Variants in SPATA13 observed in about 807,000 individuals in gnomAD.
The protein encoded by SPATA13 is spermatogenesis associated 13.
A neutral mutation model predicts 104.0 loss-of-function variants in SPATA13; 50 were observed. The observed-to-expected ratio is 0.48, with a 90% CI of 0.38 to 0.61. The LOEUF (loss-of-function observed/expected upper bound fraction) is 0.61, where lower values mean the gene tolerates loss of function less well. Ranked by LOEUF, SPATA13 falls within the 20% of genes least tolerant of loss-of-function variation. SPATA13 has a pLI of 0.00. For missense variants in SPATA13, 1,524 were observed against 1,690.6 expected (o/e 0.90, Z 1.73); for synonymous variants, 606 against 667.5 (o/e 0.91, Z 1.42).
intron 1 of SPATA13, among the ~76,000 whole-genome samples, chr13:24,199,039 C>T (rs1870251849): frequency 6.6e-6 from 1 of 150,686 alleles, no homozygotes; most frequent in Admixed American, 6.6e-5. Context: ...CAGGCACACA[C>T]CACCACTCTC....
chr13:24,163,156 G>T (rs1882578467), intron 1 of SPATA13, among the ~76,000 whole-genome samples: 1 of 152,160 alleles, frequency 6.6e-6, no homozygotes, highest in Non-Finnish European at 1.5e-5. Flanking sequence ...CAGCACTTTG[G>T]GAGGCCGAGG....
chr13:24,063,135 G>C (rs1214671189), intron 3 of SPATA13, among the ~76,000 whole-genome samples: 1 of 151,870 alleles, frequency 6.6e-6, no homozygotes, highest in Non-Finnish European at 1.5e-5. Context: ...CCTTCTCCCA[G>C]TGCTCACCAT....
In SPATA13 at chr13:24,014,368, C is replaced by T. The variant is rs79008302; in HGVS notation, c.-146-3299C>T. Among the ~76,000 whole-genome samples the T allele has an allele frequency of 8.8e-3, 1,345 of 152,282 alleles. 25 individuals are homozygous for T. The highest frequency in any genetic ancestry group is 0.077 in the East Asian group (399 of 5,168). ...CTTCCCCCATGCAGAAATGGCCCCA[C>T]TGTTTCTGGGGCCTTTCAAAACCTG... is the stretch of plus-strand genomic sequence containing the variant. On this transcript the variant is annotated intron_variant, in intron 2 of 14. Coordinates refer to the SPATA13 transcript ENST00000424834.
chr13:24,272,329 C>T (rs957479441), intron 4 of SPATA13, among the ~76,000 whole-genome samples: 12 of 152,230 alleles, frequency 7.9e-5, no homozygotes, highest in African/African-American at 2.4e-4. Context: ...CTGCCCTCTG[C>T]GGCCTTGACC....
chr13:24,121,635 A>G (rs369869581), intron 3 of SPATA13, among the ~76,000 whole-genome samples: 3 of 152,190 alleles, frequency 2.0e-5, no homozygotes, highest in East Asian at 3.8e-4. Context: ...AAATTGGACA[A>G]ATGCTCATAG....
rs180866131 is a variant in SPATA13 at position 24,251,922 on chromosome 13, C to T, written c.2164+60C>T. On this transcript the variant is annotated intron_variant, in intron 4 of 12. Transcript: ENST00000382108. ...TATGGGCCCATCTGACCGTTTCCAG[C>T]TAACCTGAGGCAGCAGGTTCTGCAC... 197 of 1,554,306 alleles carry T rather than the reference C, an allele frequency of 1.3e-4. 1 individual carries two copies. The highest frequency in any genetic ancestry group is 4.0e-4 in the Admixed American group (21 of 52,926).
intron 3 of SPATA13, 97 bp downstream of exon 3, chr13:24,249,939 C>T: frequency 6.8e-7 from 1 of 1,479,976 alleles, no homozygotes. Flanking sequence ...TTTTTCTCTC[C>T]CGTTCTCAAG....
intron 1 of SPATA13, among the ~76,000 whole-genome samples, chr13:24,171,287 A>C (rs560521565): frequency 6.6e-6 from 1 of 152,096 alleles, no homozygotes; most frequent in Non-Finnish European, 1.5e-5. Context: ...TCATTTTTCA[A>C]GAGACGAAGG....
intron 1 of SPATA13, among the ~76,000 whole-genome samples, chr13:24,222,253 T>C (rs1176403175): frequency 6.6e-6 from 1 of 152,180 alleles, no homozygotes; most frequent in African/African-American, 2.4e-5. Context: ...TGTGTCTAGG[T>C]GGCCCTGTGA....
intron 2 of SPATA13, among the ~76,000 whole-genome samples, chr13:24,247,977 C>T (rs1193627392): frequency 6.6e-6 from 1 of 152,202 alleles, no homozygotes; most frequent in Admixed American, 6.5e-5. Context: ...CCCAGGGACT[C>T]CTGCAGTCAT....
chr13:24,177,412 T>G (rs936794723), intron 1 of SPATA13, among the ~76,000 whole-genome samples: 3 of 152,134 alleles, frequency 2.0e-5, no homozygotes, highest in African/African-American at 7.2e-5. Flanking sequence ...TGCTTTCTGG[T>G]TTATAAATGG....
At chr13:24,276,323 T>C (rs996293672) in intron 4 of SPATA13, among the ~76,000 whole-genome samples, 6 of 152,224 alleles carry the variant, frequency 3.9e-5, no homozygotes, top group Non-Finnish European at 8.8e-5. Flanking sequence ...TTATATAGTG[T>C]TTAAAAAGAA....
intron 4 of SPATA13, among the ~76,000 whole-genome samples, chr13:24,271,554 T>C (rs975954922): frequency 2.6e-5 from 4 of 152,234 alleles, no homozygotes; most frequent in African/African-American, 9.6e-5. Context: ...TTGGACTATT[T>C]GGACTATTTA....
intron 3 of SPATA13, among the ~76,000 whole-genome samples, chr13:24,134,186 A>G (rs887750207): frequency 2.6e-5 from 4 of 152,076 alleles, no homozygotes; most frequent in Non-Finnish European, 5.9e-5. Flanking sequence ...GGGCCAATGA[A>G]TTTCTCTCCC....
chr13:24,118,378 C>T (rs1880921501), intron 3 of SPATA13, among the ~76,000 whole-genome samples: 1 of 152,200 alleles, frequency 6.6e-6, no homozygotes, highest in Non-Finnish European at 1.5e-5. Flanking sequence ...ACTACTCTTA[C>T]TAGTTACTCC....
intron 3 of SPATA13, among the ~76,000 whole-genome samples, chr13:24,150,799 G>T (rs979966725): frequency 6.6e-6 from 1 of 152,112 alleles, no homozygotes; most frequent in African/African-American, 2.4e-5. Context: ...GATTGGACAA[G>T]GCCCACCCAC....
At chr13:24,178,507 T>A (rs1358315544) in intron 1 of SPATA13, among the ~76,000 whole-genome samples, 2 of 152,222 alleles carry the variant, frequency 1.3e-5, no homozygotes, top group East Asian at 1.9e-4. Flanking sequence ...CAAGTATAGT[T>A]ATTTACAGTA....
intron 3 of SPATA13, chr13:24,122,852 T>A (rs946875903): frequency 1.6e-5 from 12 of 773,156 alleles, no homozygotes; most frequent in African/African-American, 3.4e-5. Context: ...CATAGAATTC[T>A]AAGACATGCT....
chr13:24,302,767 G>A lies in SPATA13; in HGVS notation c.3828G>A (p.Arg1276=), dbSNP rs1593522233. The change falls in exon 13 of 13, where the codon CGG becomes CGA. Residue 1276 remains arginine, a synonymous_variant. Transcript: ENST00000382108. ...CCTTCAACAGGCTCACCCCCTTCCG[G>A]AAATGAAAACAGGAGGCTGTGCTTC... ...WHTFNRLTPF[R]K is the part of the protein sequence containing the mutation. 1 of 1,614,144 alleles carries A rather than the reference G, an allele frequency of 6.2e-7. No homozygotes were observed. Among genetic ancestry groups the A allele is most frequent in the East Asian group, 2.2e-5 (1 of 44,876 alleles).
Sources: gnomAD v4.1 joint callset for allele counts (sites outside exome capture counted in the v4.1 genomes callset) on GRCh38, gnomAD v4.1.1 for gene constraint, MANE v1.5 for transcripts, NCBI Gene and HGNC (gene_info 2026-07-23, HGNC 2026-07-21) for gene names.